The following XPR1 variants were observed in gnomAD, a reference collection of about 807,000 sequenced individuals.
XPR1 encodes the protein xenotropic and polytropic retrovirus receptor 1.
A neutral mutation model predicts 87.5 loss-of-function variants in XPR1; 28 were observed. That is an observed-to-expected ratio of 0.32 (90% CI 0.24 to 0.44). The LOEUF is 0.44. Among genes scored for constraint, XPR1 ranks in the 20% least tolerant of loss-of-function variants. The pLI is 1.00. For missense variants in XPR1, 559 were observed against 862.3 expected (o/e 0.65, Z 4.41); for synonymous variants, 300 against 306.1 (o/e 0.98, Z 0.21).
intron 9 of XPR1, among the ~76,000 whole-genome samples, chr1:180,827,790 G>A (rs1318925031): frequency 6.6e-6 from 1 of 151,998 alleles, no homozygotes; most frequent in Non-Finnish European, 1.5e-5. Context: ...GAATTAACAA[G>A]AATGTGTTCA....
At chr1:180,652,265 C>G (rs1324505952) in intron 1 of XPR1, among the ~76,000 whole-genome samples, 1 of 151,770 alleles carries the variant, frequency 6.6e-6, no homozygotes, top group African/African-American at 2.4e-5. Context: ...GCACTCCAGC[C>G]TAGGAGACAG....
At chr1:180,851,264 GT>G (rs1316092555) in intron 11 of XPR1, among the ~76,000 whole-genome samples, 4 of 152,112 alleles carry the variant, frequency 2.6e-5, no homozygotes, top group Non-Finnish European at 5.9e-5. Flanking sequence ...CCACATGATG[GT>G]TAGTTAACAA....
chr1:180,667,763 CTATTTATA>C, intron 1 of XPR1, among the ~76,000 whole-genome samples: 1 of 152,286 alleles, frequency 6.6e-6, no homozygotes, highest in Non-Finnish European at 1.5e-5. Flanking sequence ...AATCTTCTTA[CTATTTATA>C]GATCTGTTCA....
At chr1:180,824,729 A>G in intron 7 of XPR1, 24 bp from the exon 8 acceptor site, 1 of 1,572,818 alleles carries the variant, frequency 6.4e-7, no homozygotes, top group Non-Finnish European at 8.7e-7. Context: ...TTTATAACTG[A>G]CCAATATCTT....
intron 1 of XPR1, among the ~76,000 whole-genome samples, chr1:180,662,147 A>G (rs1655801504): frequency 6.6e-6 from 1 of 152,138 alleles, no homozygotes; most frequent in African/African-American, 2.4e-5. Context: ...TAGTCTGTGT[A>G]CTTACTATTA....
At chr1:180,845,710 C>G (rs1262725100) in intron 11 of XPR1, among the ~76,000 whole-genome samples, 1 of 152,106 alleles carries the variant, frequency 6.6e-6, no homozygotes, top group Non-Finnish European at 1.5e-5. Flanking sequence ...TTTTTAGATA[C>G]AGGGTCTCAC....
intron 9 of XPR1, among the ~76,000 whole-genome samples, chr1:180,829,480 T>C (rs2102158801): frequency 6.6e-6 from 1 of 152,294 alleles, no homozygotes; most frequent in African/African-American, 2.4e-5. Context: ...TGTGTGTAAA[T>C]GTCAGTGAGT....
chr1:180,728,698 A>T (rs1292741256), intron 2 of XPR1, among the ~76,000 whole-genome samples: 1 of 152,256 alleles, frequency 6.6e-6, no homozygotes, highest in East Asian at 1.9e-4. Context: ...CAGAGACCTT[A>T]GTTGACTTGC....
chr1:180,646,799 G>A (rs1041636208), intron 1 of XPR1, among the ~76,000 whole-genome samples: 8 of 152,128 alleles, frequency 5.3e-5, no homozygotes, highest in Admixed American at 1.3e-4. Context: ...TAATGGGTGG[G>A]CCATGCATGG....
At chr1:180,705,643 C>T (rs772919555) in intron 2 of XPR1, among the ~76,000 whole-genome samples, 8 of 152,246 alleles carry the variant, frequency 5.3e-5, no homozygotes, top group East Asian at 1.9e-4. Context: ...ATTATTTTCA[C>T]GTTCCTGTTT....
At chr1:180,801,899 CA>C (rs1437648291) in intron 3 of XPR1, among the ~76,000 whole-genome samples, 3 of 151,728 alleles carry the variant, frequency 2.0e-5, no homozygotes, top group Non-Finnish European at 4.4e-5. Context: ...CGAATTCAAG[CA>C]ATTCTCTTGC....
In XPR1 at chr1:180,794,797, T is replaced by TC. The variant is rs549709127; in HGVS notation, c.223+6943_223+6944insC. Among the ~76,000 whole-genome samples the TC allele has an allele frequency of 3.9e-5, 6 of 152,280 alleles. No homozygotes were observed. In the South Asian group the frequency reaches 1.2e-3, roughly 32 times the overall value. ...CACAGTGGTGTTAAAGTACATGACATATTTGGGGATGAAGACAATAACAAA... is the reference window on the plus strand; with the variant it reads ...CACAGTGGTGTTAAAGTACATGACATCATTTGGGGATGAAGACAATAACAAA... On this transcript the variant is annotated intron_variant, in intron 3 of 14. Transcript: ENST00000367590.
At chr1:180,828,117 T>C (rs1383104846) in intron 9 of XPR1, among the ~76,000 whole-genome samples, 2 of 152,010 alleles carry the variant, frequency 1.3e-5, no homozygotes, top group Non-Finnish European at 2.9e-5. Flanking sequence ...GCTCAAGTCA[T>C]CTGCCTGCCT....
intron 1 of XPR1, among the ~76,000 whole-genome samples, chr1:180,651,108 C>CTT (rs111392505): frequency 1.4e-4 from 20 of 142,798 alleles, no homozygotes; most frequent in African/African-American, 3.8e-4. Context: ...GAATCCATTT[C>CTT]TTTTTTTTTT....
At chr1:180,729,575 A>G (rs965039659) in intron 2 of XPR1, among the ~76,000 whole-genome samples, 9 of 151,966 alleles carry the variant, frequency 5.9e-5, no homozygotes, top group Non-Finnish European at 8.8e-5. Context: ...TTATTTTTTG[A>G]CTTTTTAATA....
At chr1:180,770,687 CTAAAAATAACTTTGTT>C (rs977868147) in intron 2 of XPR1, among the ~76,000 whole-genome samples, 17 of 152,328 alleles carry the variant, frequency 1.1e-4, no homozygotes, top group African/African-American at 3.8e-4. Context: ...TCAACCTCAA[CTAAAAATAACTTTGTT>C]TAAAAATGCA....
At chr1:180,683,186 A>C (rs956076315) in intron 2 of XPR1, among the ~76,000 whole-genome samples, 2 of 146,668 alleles carry the variant, frequency 1.4e-5, no homozygotes, top group African/African-American at 5.1e-5. Flanking sequence ...TCATTGTTCA[A>C]TTCCCACCTA....
At chr1:180,767,454 A>T (rs769778207) in intron 2 of XPR1, among the ~76,000 whole-genome samples, 1 of 152,194 alleles carries the variant, frequency 6.6e-6, no homozygotes, top group Non-Finnish European at 1.5e-5. Flanking sequence ...TTTTTAAAAT[A>T]CATAAACTGG....
chr1:180,788,974 C>G (rs562905124), intron 3 of XPR1, among the ~76,000 whole-genome samples: 3 of 152,232 alleles, frequency 2.0e-5, no homozygotes, highest in Middle Eastern at 6.8e-3. Flanking sequence ...ACTCAGATAT[C>G]CTTTTTCAGC....
Sources: allele counts gnomAD v4.1 joint callset (sites outside exome capture counted in the v4.1 genomes callset), GRCh38; gene constraint gnomAD v4.1.1; transcripts MANE v1.5; gene names NCBI Gene and HGNC (gene_info 2026-07-23, HGNC 2026-07-21).